Variants in MAP7D2 observed in about 807,000 individuals in gnomAD.
MAP7D2 encodes MAP7 domain-containing protein 2.
A neutral mutation model predicts 63.5 loss-of-function variants in MAP7D2; 33 were observed. That is an observed-to-expected ratio of 0.52 (90% CI 0.39 to 0.70). The LOEUF is 0.70. Ranked by LOEUF, MAP7D2 falls within the 30% of genes least tolerant of loss-of-function variation. MAP7D2 has a pLI of 0.00. For missense variants in MAP7D2, 626 were observed against 604.0 expected, an observed-to-expected ratio of 1.04 and a Z score of -0.38; for synonymous variants, 224 against 223.7, an observed-to-expected ratio of 1.00 and a Z score of -0.01.
At chrX:20,075,745 G>A (rs1406672232) in intron 1 of MAP7D2, among the ~76,000 whole-genome samples, 2 of 111,524 alleles carry the variant, frequency 1.8e-5, no homozygotes, top group African/African-American at 6.5e-5. Flanking sequence ...CTATTTCTTC[G>A]ACTATTACAT....
chrX:20,047,176 A>G (rs1161322590), intron 6 of MAP7D2, among the ~76,000 whole-genome samples: 4 of 112,608 alleles, frequency 3.6e-5, no homozygotes, highest in Admixed American at 2.8e-4. Flanking sequence ...GGCAGCCGCC[A>G]TAAAACCTGG....
intron 1 of MAP7D2, among the ~76,000 whole-genome samples, chrX:20,083,979 T>G (rs1452327935): frequency 1.8e-5 from 2 of 110,866 alleles, no homozygotes; most frequent in Middle Eastern, 4.6e-3. Flanking sequence ...GACGAGTGGA[T>G]CACTTGAGGT....
chrX:20,103,521 C>T (rs2066491439), intron 1 of MAP7D2, among the ~76,000 whole-genome samples: 1 of 111,808 alleles, frequency 8.9e-6, no homozygotes, highest in Admixed American at 9.5e-5. Context: ...ATATCAAAGC[C>T]TGTACAGGAG....
chrX:20,009,272 A>G (rs1294723157), intron 16 of MAP7D2, among the ~76,000 whole-genome samples: 1 of 112,269 alleles, frequency 8.9e-6, no homozygotes, highest in Non-Finnish European at 1.9e-5. Context: ...GAAAAATAAA[A>G]ACACTGGACT....
rs192869225 is a variant in MAP7D2, at chrX:20,012,268, T to C, written c.2072+81A>G. 2.6e-5 allele frequency: 21 copies of C among 793,150 alleles called. No individual in the cohort carries two copies. In the African/African-American group the frequency reaches 4.2e-4, roughly 16 times the overall value. 65.4% of individuals were successfully genotyped at this position (793,150 alleles called of 1,213,427 possible). On this transcript the variant is annotated intron_variant, in intron 15 of 16. Coordinates refer to ENST00000379643, the MANE Select transcript of MAP7D2 (RefSeq NM_001168465.2). Reference sequence around the variant, plus strand: ...ACCTGCTTTAGGTGATTTGGTTGTATAAAAGACGAAGAAACCAACTAAAAG... The same window carrying C: ...ACCTGCTTTAGGTGATTTGGTTGTACAAAAGACGAAGAAACCAACTAAAAG...
At chrX:20,103,023 T>C (rs1252702962) in intron 1 of MAP7D2, among the ~76,000 whole-genome samples, 1 of 110,919 alleles carries the variant, frequency 9.0e-6, no homozygotes, top group Admixed American at 9.6e-5. Context: ...CTGAGACTTA[T>C]CCATTTTACT....
intron 1 of MAP7D2, among the ~76,000 whole-genome samples, chrX:20,102,779 G>T (rs1281058407): frequency 1.8e-5 from 2 of 108,852 alleles, no homozygotes; most frequent in East Asian, 2.9e-4. Context: ...GGGCGGGGTG[G>T]GGGGGAGTCG....
chrX:20,013,427 C>T, intron 13 of MAP7D2, 142 bp downstream of exon 13: 1 of 555,115 alleles, frequency 1.8e-6, no homozygotes, highest in Non-Finnish European at 2.8e-6. Context: ...CCTAACCCTC[C>T]TTAACCTAGC....
intron 8 of MAP7D2, among the ~76,000 whole-genome samples, chrX:20,035,509 T>G (rs1331265300): frequency 8.9e-6 from 1 of 111,849 alleles, no homozygotes; most frequent in Non-Finnish European, 1.9e-5. Flanking sequence ...TTCTCTAAAT[T>G]AAACTGCATA....
chrX:20,073,244 G>A (rs777419500), intron 1 of MAP7D2, among the ~76,000 whole-genome samples: 2 of 111,873 alleles, frequency 1.8e-5, no homozygotes, highest in Non-Finnish European at 3.8e-5. Context: ...ATGTGAGTAT[G>A]TAAAAATCAT....
At chrX:20,112,737 A>G (rs1382625476) in intron 1 of MAP7D2, among the ~76,000 whole-genome samples, 1 of 111,204 alleles carries the variant, frequency 9.0e-6, no homozygotes, top group Admixed American at 9.6e-5. Flanking sequence ...AACTTAGCAC[A>G]TGAACAGCCC....
intron 6 of MAP7D2, among the ~76,000 whole-genome samples, chrX:20,045,983 G>A (rs1902856593): frequency 8.9e-6 from 1 of 111,965 alleles, no homozygotes; most frequent in African/African-American, 3.2e-5. Flanking sequence ...CTCCAAGTGA[G>A]AGTTAGACAC....
At chrX:20,065,738 T>C (rs1313279103) in intron 1 of MAP7D2, among the ~76,000 whole-genome samples, 1 of 111,621 alleles carries the variant, frequency 9.0e-6, no homozygotes, top group Non-Finnish European at 1.9e-5. Flanking sequence ...TCCCCGAAAA[T>C]GTCTGAGAAA....
rs746077238 is a variant in MAP7D2, at chrX:20,012,440, G to A, written c.1981C>T (p.Pro661Ser). Residue 661 changes from proline to serine, a missense_variant, in exon 15 of 17, where the codon CCA becomes TCA. Coordinates refer to ENST00000379643, the MANE Select transcript of MAP7D2 (RefSeq NM_001168465.2). ...PQDIFSNGLK[P>S]AGGLIHLDAL... ...TCCAGATGAATGAGTCCCCCAGCTGGCTTAAGCCCATTAGAGAAAATGTCT... is the reference window on the plus strand; with the variant it reads ...TCCAGATGAATGAGTCCCCCAGCTGACTTAAGCCCATTAGAGAAAATGTCT... 3 of 1,207,003 alleles carry A rather than the reference G, an allele frequency of 2.5e-6. No homozygotes were observed. The highest frequency in any genetic ancestry group is 3.4e-6 in the Non-Finnish European group (3 of 893,154).
chrX:20,034,473 A>T (rs1302435870), intron 8 of MAP7D2, among the ~76,000 whole-genome samples: 11 of 110,639 alleles, frequency 9.9e-5, no homozygotes. Flanking sequence ...CTATGTCTGA[A>T]TGTTTCTGTC....
chrX:20,055,842 A>C lies in MAP7D2; in HGVS notation c.484+838T>G, dbSNP rs542619985. The C allele has an allele frequency of 8.3e-5, 75 of 905,945 alleles. No homozygotes were observed. In the South Asian group the frequency reaches 1.5e-3, roughly 19 times the overall value. 74.7% of individuals were successfully genotyped at this position (905,945 alleles called of 1,213,427 possible). ...GTATTTTCTGATTCACCTACACAGC[A>C]AAAAATCAGAGCAAAGAGAGGTAAA... On this transcript the variant is annotated intron_variant, in intron 4 of 16. Coordinates refer to ENST00000379643, the MANE Select transcript of MAP7D2 (RefSeq NM_001168465.2).
chrX:20,094,214 G>T (rs2066144981), intron 1 of MAP7D2, among the ~76,000 whole-genome samples: 1 of 108,354 alleles, frequency 9.2e-6, no homozygotes, highest in Non-Finnish European at 1.9e-5. Flanking sequence ...GTAGTTCCCT[G>T]CTAGGGAAGG....
At position 20,058,322 on chromosome X, in the gene MAP7D2, G is replaced by A. The variant is rs780510270; in HGVS notation, c.373-1531C>T. On this transcript the variant is annotated intron_variant, in intron 3 of 16. Transcript: ENST00000379643. ...ATAGTATTTCATTATACGGTTTAAC[G>A]TAAAGTATTTAACCAATGACCTAAC... Among the ~76,000 whole-genome samples, 5 of 112,675 alleles carry A rather than the reference G, an allele frequency of 4.4e-5. No individual in the cohort carries two copies. In the South Asian group the frequency reaches 1.5e-3, roughly 33 times the overall value.
chrX:20,094,487 C>CATATATAT (rs1216874865), intron 1 of MAP7D2, among the ~76,000 whole-genome samples: 2 of 15,094 alleles, frequency 1.3e-4, no homozygotes, highest in Non-Finnish European at 2.1e-4. Flanking sequence ...AAAATACATA[C>CATATATAT]ATATATATAT....
Sources: gnomAD v4.1 joint callset for allele counts (sites outside exome capture counted in the v4.1 genomes callset) on GRCh38, gnomAD v4.1.1 for gene constraint, MANE v1.5 for transcripts, NCBI Gene and HGNC (gene_info 2026-07-23, HGNC 2026-07-21) for gene names.